DOCK3: variants seen among roughly 807,000 people sequenced by gnomAD.
The protein encoded by DOCK3 is dedicator of cytokinesis 3, also known as dedicator of cytokinesis protein 3.
Under a neutral mutation model 265.6 loss-of-function variants are expected in DOCK3, and 60 were observed. The ratio of observed to expected loss-of-function variants is 0.23; its 90% CI spans 0.18 to 0.28. DOCK3 has a LOEUF of 0.28. DOCK3 is among the 10% of genes least tolerant of loss of function. DOCK3 has a pLI of 1.00. For missense variants in DOCK3, 1,981 were observed against 2,594.3 expected (o/e 0.76, Z 5.14); for synonymous variants, 881 against 938.0 (o/e 0.94, Z 1.11).
chr3:51,136,387 C>T (rs1455541828), intron 9 of DOCK3, among the ~76,000 whole-genome samples: 2 of 152,010 alleles, frequency 1.3e-5, no homozygotes, highest in Admixed American at 6.6e-5. Flanking sequence ...CCACCACACC[C>T]GGCTAATTTT....
intron 5 of DOCK3, among the ~76,000 whole-genome samples, chr3:50,978,099 G>T (rs1181628552): frequency 6.6e-6 from 1 of 151,612 alleles, no homozygotes; most frequent in Non-Finnish European, 1.5e-5. Flanking sequence ...GTGTCCTCCC[G>T]TAGCTCAGAG....
chr3:51,267,832 T>C (rs1469608365), intron 23 of DOCK3, among the ~76,000 whole-genome samples: 1 of 152,196 alleles, frequency 6.6e-6, no homozygotes, highest in African/African-American at 2.4e-5. Context: ...TGAGTTTATG[T>C]CCTTTGCAGG....
intron 5 of DOCK3, among the ~76,000 whole-genome samples, chr3:50,969,940 C>T (rs766337041): frequency 2.0e-5 from 3 of 152,108 alleles, no homozygotes; most frequent in East Asian, 1.9e-4. Flanking sequence ...GGCATGGTGG[C>T]GGGCGCCTGT....
chr3:51,269,984 CA>C (rs1393368104), intron 23 of DOCK3, among the ~76,000 whole-genome samples: 1 of 152,104 alleles, frequency 6.6e-6, no homozygotes. Context: ...TGTCTAATTC[CA>C]AAACCCATTC....
At chr3:50,845,544 G>A (rs1443871262) in intron 3 of DOCK3, among the ~76,000 whole-genome samples, 1 of 152,140 alleles carries the variant, frequency 6.6e-6, no homozygotes, top group Non-Finnish European at 1.5e-5. Flanking sequence ...GCAGGAGAGA[G>A]TGATGGATGG....
intron 3 of DOCK3, among the ~76,000 whole-genome samples, chr3:50,870,852 A>G (rs764026767): frequency 2.0e-5 from 3 of 152,268 alleles, no homozygotes; most frequent in Non-Finnish European, 4.4e-5. Context: ...TAACAGCTTA[A>G]CACTGTTAGC....
At chr3:51,244,639 A>G (rs1226031461) in intron 21 of DOCK3, among the ~76,000 whole-genome samples, 2 of 152,112 alleles carry the variant, frequency 1.3e-5, no homozygotes, top group Non-Finnish European at 2.9e-5. Flanking sequence ...AGAGCATTTT[A>G]TTCTTCCTTT....
intron 9 of DOCK3, among the ~76,000 whole-genome samples, chr3:51,136,484 C>T (rs1463299550): frequency 1.3e-5 from 2 of 152,004 alleles, no homozygotes; most frequent in Admixed American, 6.5e-5. Context: ...GTGATCCACC[C>T]GTCTCGGCCT....
intron 32 of DOCK3, among the ~76,000 whole-genome samples, chr3:51,324,534 T>C (rs1385216686): frequency 2.6e-5 from 4 of 152,160 alleles, no homozygotes; most frequent in Non-Finnish European, 5.9e-5. Flanking sequence ...CAAGCTACCG[T>C]TGACTTTCTT....
At chr3:50,753,012 T>A (rs1270747872) in intron 1 of DOCK3, among the ~76,000 whole-genome samples, 1 of 152,194 alleles carries the variant, frequency 6.6e-6, no homozygotes, top group Non-Finnish European at 1.5e-5. Context: ...GTAAGTACTT[T>A]AGACTTCATG....
chr3:50,991,040 T>C (rs2078085179), intron 5 of DOCK3, among the ~76,000 whole-genome samples: 1 of 152,180 alleles, frequency 6.6e-6, no homozygotes, highest in African/African-American at 2.4e-5. Context: ...AATAAGATCC[T>C]TTTCAGATAA....
At chr3:50,727,412 G>A (rs567552231) in intron 1 of DOCK3, among the ~76,000 whole-genome samples, 1 of 152,104 alleles carries the variant, frequency 6.6e-6, no homozygotes, top group African/African-American at 2.4e-5. Context: ...ATGGTGAAAA[G>A]GTTGGCCAGG....
In DOCK3 at chr3:51,131,456, G is replaced by C. The variant is rs923485917; in HGVS notation, c.747-15093G>C. Reference sequence around the variant, plus strand: ...GCATAAATTGTTGGTAATGTAGTAGGGTCCTTCTTTGGGGGTACCTGGCCT... The same window carrying C: ...GCATAAATTGTTGGTAATGTAGTAGCGTCCTTCTTTGGGGGTACCTGGCCT... On this transcript the variant is annotated intron_variant, in intron 9 of 52. Coordinates refer to ENST00000266037, the MANE Select transcript of DOCK3 (RefSeq NM_004947.5). Among the ~76,000 whole-genome samples the C allele has an allele frequency of 7.9e-5, 12 of 152,214 alleles. No individual in the cohort carries two copies. In the East Asian group the frequency reaches 1.9e-3, roughly 24 times the overall value.
intron 5 of DOCK3, among the ~76,000 whole-genome samples, chr3:51,001,889 T>C (rs2078495475): frequency 6.6e-6 from 1 of 152,150 alleles, no homozygotes; most frequent in Non-Finnish European, 1.5e-5. Flanking sequence ...TAGTAGCTAG[T>C]GATGTTGAGC....
At chr3:50,885,364 G>GTTTTTTTTTTTTTTTTTTTTTGTT (rs62977761) in intron 3 of DOCK3, among the ~76,000 whole-genome samples, 1 of 129,604 alleles carries the variant, frequency 7.7e-6, no homozygotes, top group African/African-American at 2.8e-5. Flanking sequence ...TTTGTATGCA[G>GTTTTTTTTTTTTTTTTTTTTTGTT]TTTTTTTTTT....
At chr3:51,349,400 A>T (rs1166162752) in intron 39 of DOCK3, among the ~76,000 whole-genome samples, 3 of 152,144 alleles carry the variant, frequency 2.0e-5, no homozygotes, top group Admixed American at 2.0e-4. Flanking sequence ...GTCTGCGCCA[A>T]ATTTTTCCTG....
At chr3:50,766,590 C>T (rs1022455667) in intron 1 of DOCK3, among the ~76,000 whole-genome samples, 3 of 152,072 alleles carry the variant, frequency 2.0e-5, no homozygotes, top group African/African-American at 4.8e-5. Flanking sequence ...CATATGTGTG[C>T]ATGTGTCTTT....
chr3:51,233,358 C>CTATCTATCTATTTATT (rs1553803193), intron 19 of DOCK3, among the ~76,000 whole-genome samples: 1 of 61,080 alleles, frequency 1.6e-5, no homozygotes, highest in Admixed American at 1.2e-4. Flanking sequence ...ATCTATCTAT[C>CTATCTATCTATTTATT]TATTTATTTA....
At chr3:51,181,625 A>T (rs1471503967) in intron 12 of DOCK3, among the ~76,000 whole-genome samples, 2 of 152,210 alleles carry the variant, frequency 1.3e-5, no homozygotes, top group African/African-American at 4.8e-5. Context: ...TATAAACAGT[A>T]TATTTATTGT....
Sources: gnomAD v4.1 joint callset for allele counts (sites outside exome capture counted in the v4.1 genomes callset) on GRCh38, gnomAD v4.1.1 for gene constraint, MANE v1.5 for transcripts, NCBI Gene and HGNC (gene_info 2026-07-23, HGNC 2026-07-21) for gene names.